APEH: variants seen among roughly 807,000 people sequenced by gnomAD.
The protein encoded by APEH is acylamino-acid-releasing enzyme.
In APEH, 75 loss-of-function variants were observed where a neutral mutation model predicts 102.7. The observed-to-expected ratio is 0.73, with a 90% confidence interval of 0.61 to 0.89. APEH has a LOEUF of 0.89. APEH is among the 40% of genes least tolerant of loss of function. The probability of loss-of-function intolerance (pLI) is 0.00; values close to 1 mark genes in which losing one functional copy is unlikely to be tolerated. For missense variants in APEH, 863 were observed against 941.2 expected (o/e 0.92, Z 1.09); for synonymous variants, 344 against 362.7 (o/e 0.95, Z 0.59).
In APEH at chr3:49,683,393, G is replaced by A. The variant is rs771898040; in HGVS notation, c.*51G>A. 22 of 1,516,686 alleles carry A rather than the reference G, an allele frequency of 1.5e-5. No homozygotes were observed. Among genetic ancestry groups the A allele is most frequent in the Middle Eastern group, 3.4e-4 (2 of 5,848 alleles). 94.0% of individuals were successfully genotyped at this position (1,516,686 alleles called of 1,614,324 possible). On this transcript the variant is annotated 3_prime_UTR_variant, in exon 22 of 22. Transcript: ENST00000296456. ...TCAGCCTGTGCCACACTTCGCTCTT[G>A]AGGAGCTCAACGGTCTGGCAGGGCA...
In APEH at chr3:49,678,860, T is replaced by C. The variant is rs746867964; in HGVS notation, c.1069T>C (p.Ser357Pro). ...CCCTCCTATCTTTACAGAGAACTTCTCTGGGATCTACTGCAGCCTTCTGCC... is the reference window on the plus strand; with the variant it reads ...CCCTCCTATCTTTACAGAGAACTTCCCTGGGATCTACTGCAGCCTTCTGCC... ...VVPRQLGENF[S>P]GIYCSLLPLG... The change falls in exon 12 of 22, where the codon TCT becomes CCT. Residue 357 changes from serine to proline, a missense_variant. Ser to Pro is a moderately conservative substitution (Grantham distance 74). Transcript: ENST00000296456. 8.1e-6 allele frequency: 13 copies of C among 1,613,292 alleles called. No homozygotes were observed. Among genetic ancestry groups the C allele is most frequent in the Middle Eastern group, 3.3e-4 (2 of 6,082 alleles).
At position 49,682,946 on chromosome 3, in the gene APEH, G is replaced by T. The variant is rs2053415651; in HGVS notation, c.1986+1G>T. The T allele has an allele frequency of 6.2e-7, 1 of 1,613,574 alleles. No individual in the cohort carries two copies. Among genetic ancestry groups the T allele is most frequent in the African/African-American group, 1.3e-5 (1 of 74,910 alleles). On this transcript the variant is annotated splice_donor_variant, in intron 20 of 21. Coordinates refer to ENST00000296456, the MANE Select transcript of APEH (RefSeq NM_001640.4). LOFTEE classifies it high-confidence loss of function. ...ATCGCCCATCAGATACATCCCTCAGGTATGCAGCCCCCTCCTTGCCCTGTG... is the reference window on the plus strand; with the variant it reads ...ATCGCCCATCAGATACATCCCTCAGTTATGCAGCCCCCTCCTTGCCCTGTG...
Position 49,676,096 on chromosome 3 carries a change from C to G in APEH, c.483C>G (p.His161Gln), listed in dbSNP as rs2053035100. ...GCLSWSHSET[H>Q]LLYVAEKKRP... ...TGTCCTGGTCGCACTCGGAGACACA[C>G]TTGTTGTATGTGGCAGAGAAGAAGC... is the stretch of plus-strand genomic sequence containing the variant. Residue 161 changes from histidine (H) to glutamine (Q), a missense_variant, in exon 6 of 22, where the codon CAC (histidine) becomes CAG (glutamine). Transcript: ENST00000296456. The G allele has an allele frequency of 6.2e-7, 1 of 1,614,110 alleles. No individual in the cohort carries two copies. Among genetic ancestry groups the G allele is most frequent in the African/African-American group, 1.3e-5 (1 of 74,950 alleles).
At chr3:49,682,477 C>T in intron 18 of APEH, 41 bp downstream of exon 18, 1 of 1,612,094 alleles carries the variant, frequency 6.2e-7, no homozygotes, top group Non-Finnish European at 8.5e-7. Flanking sequence ...GAAACATGGG[C>T]TGCCAGGGGG....
chr3:49,677,069 T>A lies in APEH; in HGVS notation c.999+45T>A, dbSNP rs1205143706. 5.6e-6 allele frequency: 9 copies of A among 1,612,352 alleles called. No individual in the cohort carries two copies. The African/African-American group carries it at 9.3e-5, about 17-fold the overall frequency. On this transcript the variant is annotated intron_variant, in intron 10 of 21. Coordinates refer to ENST00000296456, the MANE Select transcript of APEH (RefSeq NM_001640.4). Reference sequence around the variant, plus strand: ...GATGGGAGGGTGGTCAGCAAGAAGATGGGATGGTGGATGAGAGCTGAAGGG... The same window carrying A: ...GATGGGAGGGTGGTCAGCAAGAAGAAGGGATGGTGGATGAGAGCTGAAGGG...
intron 11 of APEH, 66 bp from the exon 12 acceptor site, chr3:49,678,786 C>T (rs759720427): frequency 2.7e-5 from 37 of 1,372,160 alleles, no homozygotes; most frequent in Non-Finnish European, 3.5e-5. Context: ...GTACCCTAGC[C>T]TTCCTTGTAG....
rs1316070460 is a variant in APEH at position 49,678,918 on chromosome 3, T to C, written c.1127T>C (p.Val376Ala). The change falls in exon 12 of 22, where the codon GTG (valine) becomes GCG (alanine). Residue 376 changes from valine (V) to alanine (A), a missense_variant. Val to Ala is a moderately conservative substitution (Grantham distance 64). Coordinates refer to ENST00000296456, the MANE Select transcript of APEH (RefSeq NM_001640.4). ...LGCWSADSQRVVFDSAQRSRQ... is the reference protein window; with the variant it reads ...LGCWSADSQRAVFDSAQRSRQ... ...TGCTGGTCAGCTGACAGCCAGAGAG[T>C]GGTCTTTGACTCGGCTCAGCGCAGC... 6.2e-7 allele frequency: 1 copy of C among 1,613,352 alleles called. No homozygotes were observed. The highest frequency in any genetic ancestry group is 1.7e-5 in the Admixed American group (1 of 59,992).
At position 49,680,602 on chromosome 3, in the gene APEH, T is replaced by A; in HGVS notation, c.1272T>A (p.Phe424Leu). The change falls in exon 14 of 22, where the codon TTT (phenylalanine) becomes TTA (leucine). Residue 424 changes from phenylalanine to leucine, a missense_variant. Phe to Leu is a conservative substitution (Grantham distance 22). Coordinates refer to ENST00000296456, the MANE Select transcript of APEH (RefSeq NM_001640.4). ...TIDQDLMVAQFSTPSLPPTLK... is the reference protein window; with the variant it reads ...TIDQDLMVAQLSTPSLPPTLK... Reference sequence around the variant, plus strand: ...ACCAGGACCTCATGGTGGCACAGTTTTCCACACCCAGCCTACCTCCAACCC... The same window carrying A: ...ACCAGGACCTCATGGTGGCACAGTTATCCACACCCAGCCTACCTCCAACCC... 6.2e-7 allele frequency: 1 copy of A among 1,614,074 alleles called. No individual in the cohort carries two copies. The highest frequency in any genetic ancestry group is 8.5e-7 in the Non-Finnish European group (1 of 1,180,012).
At position 49,675,230 on chromosome 3, in the gene APEH, C is replaced by T. The variant is rs772175127; in HGVS notation, c.193C>T (p.Arg65Cys). Reference protein sequence around the residue: ...LERMENIRFCRQYLVFHDGDS... With the variant: ...LERMENIRFCCQYLVFHDGDS... ...ACGCATGGAGAACATTCGATTCTGC[C>T]GCCAATACCTGGTGTTCCATGACGG... The change falls in exon 3 of 22, where the codon CGC becomes TGC. Residue 65 changes from arginine to cysteine, a missense_variant. Physicochemically the swap from Arg to Cys is radical, Grantham distance 180. Coordinates refer to ENST00000296456, the MANE Select transcript of APEH (RefSeq NM_001640.4). 1.2e-6 allele frequency: 2 copies of T among 1,614,024 alleles called. No individual in the cohort carries two copies. Among genetic ancestry groups the T allele is most frequent in the Admixed American group, 1.7e-5 (1 of 60,010 alleles).
chr3:49,674,366 C>T lies in APEH; in HGVS notation c.-36C>T, dbSNP rs1428062499. On this transcript the variant is annotated 5_prime_UTR_variant, in exon 1 of 22. Transcript: ENST00000296456. ...CGGAAGCCTCACTTCCGGGCGCGAG[C>T]ACGCCCCGCCTCGCCCCGGCGGCAG... 2.6e-6 allele frequency: 4 copies of T among 1,548,348 alleles called. No homozygotes were observed. The highest frequency in any genetic ancestry group is 1.4e-5 in the African/African-American group (1 of 73,516).
chr3:49,674,121 C>A, upstream of APEH: 1 of 520,390 alleles, frequency 1.9e-6, no homozygotes, highest in South Asian at 2.5e-5. Flanking sequence ...GTAAGAGGCC[C>A]AGGACTCAGC....
Position 49,678,930 on chromosome 3 carries a change from C to G in APEH, c.1139C>G (p.Ser380Trp), listed in dbSNP as rs927123158. Residue 380 changes from serine (S) to tryptophan (W), a missense_variant, in exon 12 of 22, where the codon TCG (serine) becomes TGG (tryptophan). Transcript: ENST00000296456. ...GACAGCCAGAGAGTGGTCTTTGACTCGGCTCAGCGCAGCCGGCAGGTGAGG... is the reference window on the plus strand; with the variant it reads ...GACAGCCAGAGAGTGGTCTTTGACTGGGCTCAGCGCAGCCGGCAGGTGAGG... ...SADSQRVVFD[S>W]AQRSRQDLFA... 3 of 1,613,684 alleles carry G rather than the reference C, an allele frequency of 1.9e-6. No individual in the cohort carries two copies. The highest frequency in any genetic ancestry group is 2.5e-6 in the Non-Finnish European group (3 of 1,179,870).
At chr3:49,677,376 GT>G (rs1439310747) in intron 10 of APEH, among the ~76,000 whole-genome samples, 196 bp from the exon 11 acceptor site, 1 of 152,186 alleles carries the variant, frequency 6.6e-6, no homozygotes, top group Non-Finnish European at 1.5e-5. Flanking sequence ...TGGGCCCCTG[GT>G]AAAAGTCAGA....
rs1458677416 is a variant in APEH at position 49,679,547 on chromosome 3, A to G, written c.1159-46A>G. 1 of 1,602,614 alleles carries G rather than the reference A, an allele frequency of 6.2e-7. No individual in the cohort carries two copies. Among genetic ancestry groups the G allele is most frequent in the Admixed American group, 1.7e-5 (1 of 59,934 alleles). ...AGGGGAGGGACCCATAGGTAGAGGG[A>G]GTACTCTTGGATGTGGTCGCACCTG... is the stretch of plus-strand genomic sequence containing the variant. On this transcript the variant is annotated intron_variant, in intron 12 of 21. Coordinates refer to ENST00000296456, the MANE Select transcript of APEH (RefSeq NM_001640.4). The surrounding 1 kb of genome is among the most constrained non-coding windows in gnomAD (Gnocchi z 4.3).
At chr3:49,678,810 C>T in intron 11 of APEH, 42 bp from the exon 12 acceptor site, 2 of 1,514,866 alleles carry the variant, frequency 1.3e-6, no homozygotes, top group Non-Finnish European at 1.8e-6. Flanking sequence ...ACCCTCCCTA[C>T]CTCCACTCCT....
chr3:49,680,138 C>T (rs2053252306), intron 13 of APEH: 1 of 271,792 alleles, frequency 3.7e-6, no homozygotes, highest in Non-Finnish European at 7.3e-6. Flanking sequence ...TGTATCCGCT[C>T]CTCCACAAAG....
Position 49,676,089 on chromosome 3 carries a change from A to G in APEH, c.476A>G (p.Glu159Gly). The G allele has an allele frequency of 1.2e-5, 19 of 1,614,204 alleles. No individual in the cohort carries two copies. Among genetic ancestry groups the G allele is most frequent in the Non-Finnish European group, 1.6e-5 (19 of 1,180,016 alleles). ...CFGCLSWSHS[E>G]THLLYVAEKK... ...GGCTGCCTGTCCTGGTCGCACTCGG[A>G]GACACACTTGTTGTATGTGGCAGAG... Residue 159 changes from glutamate (E) to glycine (G), a missense_variant, in exon 6 of 22, where the codon GAG (glutamate) becomes GGG (glycine). Coordinates refer to ENST00000296456, the MANE Select transcript of APEH (RefSeq NM_001640.4).
chr3:49,680,771 C>A, intron 14 of APEH, 142 bp downstream of exon 14: 2 of 793,968 alleles, frequency 2.5e-6, no homozygotes, highest in Non-Finnish European at 4.1e-6. Context: ...TGGCATGGTC[C>A]ATGAGGGTTT....
chr3:49,675,870 C>G (rs2053019090), intron 4 of APEH, 21 bp from the exon 5 acceptor site: 1 of 1,613,840 alleles, frequency 6.2e-7, no homozygotes, highest in African/African-American at 1.3e-5. Flanking sequence ...GGCAAACAGC[C>G]TAATGCCCAG....
Sources: allele counts gnomAD v4.1 joint callset (sites outside exome capture counted in the v4.1 genomes callset), GRCh38; gene constraint gnomAD v4.1.1; non-coding constraint Gnocchi (gnomAD v3.1); transcripts MANE v1.5; gene names NCBI Gene and HGNC (gene_info 2026-07-23, HGNC 2026-07-21).